The following NNT variants were observed in gnomAD, a reference collection of about 807,000 sequenced individuals.
NNT encodes NAD(P) transhydrogenase, mitochondrial.
Under a neutral mutation model 104.8 loss-of-function variants are expected in NNT, and 50 were observed. That is an observed-to-expected ratio of 0.48 (90% CI 0.38 to 0.60). The LOEUF is 0.60. Among genes scored for constraint, NNT ranks in the 20% least tolerant of loss-of-function variants. The pLI is 0.00. For missense variants in NNT, 1,131 were observed against 1,330.7 expected, an observed-to-expected ratio of 0.85 and a Z score of 2.33; for synonymous variants, 461 against 490.4, an observed-to-expected ratio of 0.94 and a Z score of 0.79.
chr5:43,624,910 A>G (rs1425945693), intron 6 of NNT, among the ~76,000 whole-genome samples: 3 of 152,218 alleles, frequency 2.0e-5, no homozygotes, highest in Non-Finnish European at 4.4e-5. Flanking sequence ...AAAAAAGAAA[A>G]AAGCAACCAT....
At position 43,706,908 on chromosome 5, in the gene NNT, G is replaced by A. The variant is rs1743108382; in HGVS notation, c.*2504G>A. On this transcript the variant is annotated 3_prime_UTR_variant, in exon 22 of 22. Transcript: ENST00000344920. ...CACTGCATGTTCTCACTCATAGGTGGGAATTGAACAATGAGAACACTTGGA... is the reference window on the plus strand; with the variant it reads ...CACTGCATGTTCTCACTCATAGGTGAGAATTGAACAATGAGAACACTTGGA... 1 of 152,254 alleles carries A rather than the reference G, an allele frequency of 6.6e-6. No individual in the cohort carries two copies. The highest frequency in any genetic ancestry group is 1.5e-5 in the Non-Finnish European group (1 of 68,116). 9.4% of individuals were successfully genotyped at this position (152,254 alleles called of 1,614,324 possible). A position where few individuals can be genotyped will look rare whatever the true frequency, so the allele number is the denominator to read the frequency against.
chr5:43,669,329 T>A (rs1476597639), intron 17 of NNT, among the ~76,000 whole-genome samples: 5 of 151,842 alleles, frequency 3.3e-5, no homozygotes, highest in Non-Finnish European at 5.9e-5. Context: ...TGAATAGGAG[T>A]GGTGAGAGAG....
At chr5:43,607,313 T>C (rs1318207600) in intron 1 of NNT, among the ~76,000 whole-genome samples, 1 of 152,206 alleles carries the variant, frequency 6.6e-6, no homozygotes, top group Admixed American at 6.5e-5. Context: ...TTGTGATTTG[T>C]TTGTGCCCAA....
At chr5:43,665,998 C>G (rs1413226200) in intron 17 of NNT, among the ~76,000 whole-genome samples, 1 of 151,666 alleles carries the variant, frequency 6.6e-6, no homozygotes, top group Non-Finnish European at 1.5e-5. Context: ...TCAGACGGGG[C>G]AGCGGGGCAG....
chr5:43,665,831 C>T (rs181651070), intron 17 of NNT, among the ~76,000 whole-genome samples: 10 of 90,302 alleles, frequency 1.1e-4, no homozygotes, highest in African/African-American at 1.9e-4. Context: ...ACCTCCTGGA[C>T]GGGGTGGCTG....
Position 43,685,771 on chromosome 5 carries a change from C to G in NNT, c.2876+7965C>G, listed in dbSNP as rs565589911. On this transcript the variant is annotated intron_variant, in intron 19 of 21. Transcript: ENST00000344920. The stretch of plus-strand genomic sequence containing the variant: ...TTATATTCTTCAATAGCCTCACATG[C>G]CCAAGAAAACTGCTGCTGTGTACTC... Among the ~76,000 whole-genome samples the G allele has an allele frequency of 7.2e-5, 11 of 152,222 alleles. No individual in the cohort carries two copies. The East Asian group carries it at 2.1e-3, about 29-fold the overall frequency.
chr5:43,681,259 C>CAAAAAAA (rs559273026), intron 19 of NNT, among the ~76,000 whole-genome samples: 2 of 58,700 alleles, frequency 3.4e-5, no homozygotes, highest in African/African-American at 1.1e-4. Context: ...GGCTCCTTCT[C>CAAAAAAA]AAAAAAAAAA....
intron 7 of NNT, among the ~76,000 whole-genome samples, chr5:43,635,103 T>G (rs1039863474): frequency 1.3e-5 from 2 of 152,206 alleles, no homozygotes; most frequent in African/African-American, 4.8e-5. Flanking sequence ...CCTTCCATTT[T>G]CCTTATAGTT....
intron 19 of NNT, among the ~76,000 whole-genome samples, chr5:43,678,329 G>C (rs1264981863): frequency 6.6e-6 from 1 of 152,198 alleles, no homozygotes; most frequent in Non-Finnish European, 1.5e-5. Context: ...GTTTCTTAAA[G>C]TGGTGTTTTA....
chr5:43,652,201 G>A (rs1431280246), intron 13 of NNT, among the ~76,000 whole-genome samples: 1 of 151,954 alleles, frequency 6.6e-6, no homozygotes, highest in Non-Finnish European at 1.5e-5. Context: ...AGATTGCGGT[G>A]GATTTATAAT....
At chr5:43,653,732 A>G (rs1269679210) in intron 14 of NNT, among the ~76,000 whole-genome samples, 3 of 152,126 alleles carry the variant, frequency 2.0e-5, no homozygotes, top group Non-Finnish European at 2.9e-5. Context: ...ATGTGGGTGG[A>G]TCACTTGAGG....
chr5:43,615,078 A>T (rs998209274), intron 3 of NNT, among the ~76,000 whole-genome samples: 2 of 152,056 alleles, frequency 1.3e-5, no homozygotes, highest in South Asian at 4.1e-4. Context: ...CGGAGCTTGC[A>T]GTGAGCCGAG....
Position 43,638,669 on chromosome 5 carries a change from T to G in NNT, c.965-5523T>G, listed in dbSNP as rs562955862. ...TTGTTAAAGCAGAAAGTTTTGTTTT[T>G]TTTTTTTTTTAGACCCTCTAATTTG... On this transcript the variant is annotated intron_variant, in intron 7 of 21. Transcript: ENST00000344920. Among the ~76,000 whole-genome samples the G allele has an allele frequency of 1.5e-4, 23 of 151,600 alleles. No individual in the cohort carries two copies. In the East Asian group the frequency reaches 1.5e-3, roughly 10 times the overall value.
At chr5:43,678,371 G>T (rs992461817) in intron 19 of NNT, among the ~76,000 whole-genome samples, 1 of 152,206 alleles carries the variant, frequency 6.6e-6, no homozygotes, top group Non-Finnish European at 1.5e-5. Flanking sequence ...AAGTTAAGTT[G>T]TTAATGAACA....
At position 43,670,135 on chromosome 5, in the gene NNT, T is replaced by C. The variant is rs537785963; in HGVS notation, c.2635-5376T>C. Among the ~76,000 whole-genome samples the C allele has an allele frequency of 5.3e-5, 8 of 152,270 alleles. No individual in the cohort carries two copies. In the East Asian group the frequency reaches 1.5e-3, roughly 29 times the overall value. On this transcript the variant is annotated intron_variant, in intron 17 of 21. Coordinates refer to ENST00000344920, the MANE Select transcript of NNT (RefSeq NM_182977.3). Reference sequence around the variant, plus strand: ...GTGGGATTGGTGGTGATATTCTCCTTATCATTTTTTATTGCGTCTATTTGA... The same window carrying C: ...GTGGGATTGGTGGTGATATTCTCCTCATCATTTTTTATTGCGTCTATTTGA...
chr5:43,700,361 G>A, intron 20 of NNT, 124 bp downstream of exon 20: 1 of 600,990 alleles, frequency 1.7e-6, no homozygotes, highest in Non-Finnish European at 2.9e-6. Flanking sequence ...ACTTGTACAT[G>A]GTAGATAATA....
At chr5:43,658,896 G>A (rs1489179163) in intron 16 of NNT, among the ~76,000 whole-genome samples, 1 of 152,132 alleles carries the variant, frequency 6.6e-6, no homozygotes, top group Non-Finnish European at 1.5e-5. Context: ...TTTTCCAAAT[G>A]TAGACGCTTC....
intron 14 of NNT, 91 bp from the exon 15 acceptor site, chr5:43,655,749 A>G (rs552284261): frequency 2.3e-6 from 2 of 863,696 alleles, no homozygotes; most frequent in South Asian, 3.2e-5. Flanking sequence ...TTTATTTGTG[A>G]CAATGGTGGA....
chr5:43,632,520 T>C (rs1165214165), intron 7 of NNT, among the ~76,000 whole-genome samples: 1 of 152,246 alleles, frequency 6.6e-6, no homozygotes, highest in Non-Finnish European at 1.5e-5. Flanking sequence ...GAGATAGTTC[T>C]GTAGCTAGCT....
Sources: gnomAD v4.1 joint callset for allele counts (sites outside exome capture counted in the v4.1 genomes callset) on GRCh38, gnomAD v4.1.1 for gene constraint, MANE v1.5 for transcripts, NCBI Gene and HGNC (gene_info 2026-07-23, HGNC 2026-07-21) for gene names.